Variants in PDZD2 observed in about 807,000 individuals in gnomAD.
PDZD2 encodes the protein PDZ domain-containing protein 2.
PDZD2 carries 90 observed loss-of-function variants against 220.7 expected under a neutral mutation model. The ratio of observed to expected loss-of-function variants is 0.41; its 90% confidence interval spans 0.34 to 0.49. The LOEUF is 0.49. Among genes scored for constraint, PDZD2 ranks in the 20% least tolerant of loss-of-function variants. The pLI is 0.28. For missense variants in PDZD2, 3,174 were observed against 3,608.5 expected, an observed-to-expected ratio of 0.88 and a Z score of 3.08; for synonymous variants, 1,375 against 1,450.5, an observed-to-expected ratio of 0.95 and a Z score of 1.18.
At chr5:31,802,681 G>A (rs1323655407) in intron 2 of PDZD2, among the ~76,000 whole-genome samples, 1 of 152,156 alleles carries the variant, frequency 6.6e-6, no homozygotes, top group Non-Finnish European at 1.5e-5. Flanking sequence ...AGCACTTTGG[G>A]AGGCCGAGGC....
chr5:31,948,928 A>G (rs561538885), intron 2 of PDZD2, among the ~76,000 whole-genome samples: 115 of 151,962 alleles, frequency 7.6e-4, no homozygotes, highest in African/African-American at 2.5e-3. Context: ...GTGAAACCCT[A>G]TCTTTACTAA....
At chr5:31,966,069 G>T (rs147210125) in intron 2 of PDZD2, among the ~76,000 whole-genome samples, 1 of 152,158 alleles carries the variant, frequency 6.6e-6, no homozygotes, top group Non-Finnish European at 1.5e-5. Flanking sequence ...TCATGGTAAG[G>T]GTTTTTGTTT....
At chr5:31,950,840 A>G (rs1487878380) in intron 2 of PDZD2, among the ~76,000 whole-genome samples, 1 of 152,326 alleles carries the variant, frequency 6.6e-6, no homozygotes, top group East Asian at 1.9e-4. Context: ...AGGATGTCAT[A>G]TAAATGGAAT....
chr5:31,647,282 C>G (rs530663673), intron 1 of PDZD2, among the ~76,000 whole-genome samples: 4 of 152,280 alleles, frequency 2.6e-5, no homozygotes, highest in Admixed American at 1.3e-4. Context: ...TAGACACTTG[C>G]CACATACAGC....
chr5:31,822,161 A>G (rs10056959), intron 2 of PDZD2, among the ~76,000 whole-genome samples: 88,144 of 151,974 alleles, frequency 0.58, 25,896 homozygotes, highest in Non-Finnish European at 0.61. Context: ...ACATATGTGT[A>G]CATGTGTCTT....
At chr5:31,777,519 G>C (rs189793494) in intron 1 of PDZD2, among the ~76,000 whole-genome samples, 4 of 152,384 alleles carry the variant, frequency 2.6e-5, no homozygotes, top group Admixed American at 2.6e-4. Context: ...GCATGGGACT[G>C]GCGGGCAGCT....
intron 2 of PDZD2, among the ~76,000 whole-genome samples, chr5:31,967,110 G>A (rs1264936188): frequency 6.6e-6 from 1 of 152,224 alleles, no homozygotes; most frequent in African/African-American, 2.4e-5. Context: ...ACCAGGCTTG[G>A]CACAAGGTGG....
chr5:32,026,547 G>GTGCA (rs1266324208), intron 6 of PDZD2, among the ~76,000 whole-genome samples: 3 of 151,958 alleles, frequency 2.0e-5, no homozygotes, highest in Non-Finnish European at 4.4e-5. Flanking sequence ...ATGCGTGCAC[G>GTGCA]TGCACGCACG....
chr5:32,040,727 C>T (rs1259525993), intron 7 of PDZD2, among the ~76,000 whole-genome samples: 5 of 147,126 alleles, frequency 3.4e-5, no homozygotes, highest in Non-Finnish European at 6.0e-5. Flanking sequence ...AAGTGAGAAG[C>T]GCCTCTGCCC....
At chr5:31,869,282 G>A (rs912228184) in intron 2 of PDZD2, among the ~76,000 whole-genome samples, 2 of 152,266 alleles carry the variant, frequency 1.3e-5, no homozygotes, top group East Asian at 1.9e-4. Context: ...ACGCTCCTCA[G>A]CCCTCACCGC....
intron 2 of PDZD2, among the ~76,000 whole-genome samples, chr5:31,850,200 A>C (rs1282073410): frequency 7.8e-6 from 1 of 128,840 alleles, no homozygotes; most frequent in African/African-American, 3.0e-5. Flanking sequence ...ATATGTATAT[A>C]TAAGTATATA....
At chr5:32,081,574 T>G (rs879501478) in intron 19 of PDZD2, among the ~76,000 whole-genome samples, 9 of 152,194 alleles carry the variant, frequency 5.9e-5, no homozygotes, top group Non-Finnish European at 1.2e-4. Context: ...TGTTTAGGTA[T>G]TTCTCTCTCC....
At chr5:32,009,143 G>A (rs879702323) in intron 5 of PDZD2, among the ~76,000 whole-genome samples, 8 of 151,988 alleles carry the variant, frequency 5.3e-5, no homozygotes, top group Non-Finnish European at 7.4e-5. Context: ...AGGGGTTCGA[G>A]ACCAGCCTGG....
intron 19 of PDZD2, 74 bp downstream of exon 19, chr5:32,077,680 G>A (rs1264435299): frequency 6.8e-7 from 1 of 1,470,582 alleles, no homozygotes. Flanking sequence ...ATACAGGCCA[G>A]GCGCAGTGGC....
chr5:31,801,099 C>G (rs1357606265), intron 2 of PDZD2, among the ~76,000 whole-genome samples: 3 of 152,172 alleles, frequency 2.0e-5, no homozygotes, highest in African/African-American at 7.2e-5. Context: ...GGAGGGTCAA[C>G]AAGCAGTCAT....
At chr5:31,805,959 G>A (rs1343528416) in intron 2 of PDZD2, among the ~76,000 whole-genome samples, 5 of 152,236 alleles carry the variant, frequency 3.3e-5, no homozygotes, top group African/African-American at 1.2e-4. Context: ...CCCTTTCCTA[G>A]CCTCTCCAAA....
At chr5:31,825,490 CAAAT>C (rs1051055913) in intron 2 of PDZD2, among the ~76,000 whole-genome samples, 5 of 152,184 alleles carry the variant, frequency 3.3e-5, no homozygotes, top group African/African-American at 9.7e-5. Context: ...CCTTTGCAAA[CAAAT>C]AAGCCCTAGC....
intron 2 of PDZD2, among the ~76,000 whole-genome samples, chr5:31,962,800 C>T (rs1303030841): frequency 6.6e-6 from 1 of 152,120 alleles, no homozygotes; most frequent in African/African-American, 2.4e-5. Context: ...TCCTCCCTAC[C>T]CCACCCAGAG....
intron 1 of PDZD2, among the ~76,000 whole-genome samples, chr5:31,764,883 C>A (rs138959458): frequency 1.4e-3 from 220 of 152,244 alleles, no homozygotes; most frequent in African/African-American, 5.0e-3. Flanking sequence ...TCGAGACCGG[C>A]CTGGCCAACA....
Sources: allele counts gnomAD v4.1 joint callset (sites outside exome capture counted in the v4.1 genomes callset), GRCh38; gene constraint gnomAD v4.1.1; transcripts MANE v1.5; gene names NCBI Gene and HGNC (gene_info 2026-07-23, HGNC 2026-07-21).